EYS: variants seen among roughly 807,000 people sequenced by gnomAD.
EYS encodes the protein protein eyes shut homolog.
In EYS, 250 loss-of-function variants were observed where a neutral mutation model predicts 282.1. The ratio of observed to expected loss-of-function variants is 0.89; its 90% CI spans 0.80 to 0.98. The LOEUF (loss-of-function observed/expected upper bound fraction) is 0.98, where lower values mean the gene tolerates loss of function less well. Among genes scored for constraint, EYS ranks in the 50% least tolerant of loss-of-function variants. The pLI is 0.00. For synonymous variants in EYS, 1,355 were observed against 1,282.9 expected (o/e 1.06, Z -1.20); for missense variants, 4,016 against 3,709.0 (o/e 1.08, Z -2.15).
At chr6:64,089,551 TAC>T (rs1193099370) in intron 31 of EYS, among the ~76,000 whole-genome samples, 5 of 150,950 alleles carry the variant, frequency 3.3e-5, no homozygotes, top group Non-Finnish European at 7.4e-5. Context: ...TAAACTTTTT[TAC>T]CACATTATAC....
chr6:64,824,436 C>T (rs191514975), intron 19 of EYS, among the ~76,000 whole-genome samples: 1 of 152,034 alleles, frequency 6.6e-6, no homozygotes, highest in African/African-American at 2.4e-5. Context: ...CAAAAACAAC[C>T]TAGCCAAGGT....
At chr6:64,971,837 A>G (rs1438730107) in intron 14 of EYS, among the ~76,000 whole-genome samples, 1 of 152,166 alleles carries the variant, frequency 6.6e-6, no homozygotes, top group African/African-American at 2.4e-5. Flanking sequence ...TGGAAGAATT[A>G]TAACATTGGA....
intron 33 of EYS, among the ~76,000 whole-genome samples, chr6:64,014,567 G>A (rs1768798439): frequency 6.6e-6 from 1 of 152,086 alleles, no homozygotes; most frequent in African/African-American, 2.4e-5. Context: ...AAAATATGAA[G>A]AGAGAGTAGA....
intron 26 of EYS, among the ~76,000 whole-genome samples, chr6:64,511,510 A>T (rs1489044618): frequency 3.3e-5 from 5 of 151,908 alleles, no homozygotes; most frequent in African/African-American, 1.2e-4. Context: ...TACCTAATAA[A>T]TGAATATCCA....
intron 26 of EYS, among the ~76,000 whole-genome samples, chr6:64,460,980 G>A (rs887776896): frequency 2.6e-5 from 4 of 152,106 alleles, no homozygotes; most frequent in African/African-American, 7.2e-5. Flanking sequence ...CAAAGACTAT[G>A]CAAATAAAAA....
intron 33 of EYS, among the ~76,000 whole-genome samples, chr6:64,043,621 A>G (rs1770490017): frequency 6.6e-6 from 1 of 152,200 alleles, no homozygotes; most frequent in African/African-American, 2.4e-5. Flanking sequence ...GTCCTGTAGA[A>G]TCACCTCCTT....
At position 65,134,002 on chromosome 6, in the gene EYS, T is replaced by TA. The variant is rs1018624582; in HGVS notation, c.2024-76276dup. ...GGCATACATGCAGCCAACAGGCATATAAAAAAATCTTAATATAACTGACCA... is the reference window on the plus strand; with the variant it reads ...GGCATACATGCAGCCAACAGGCATATAAAAAAAATCTTAATATAACTGACCA... On this transcript the variant is annotated intron_variant, in intron 12 of 42. Coordinates refer to ENST00000503581, the MANE Select transcript of EYS (RefSeq NM_001142800.2). 3.9e-5 allele frequency among the ~76,000 whole-genome samples: 6 copies of TA among 152,054 alleles called. No homozygotes were observed. In the South Asian group the frequency reaches 6.2e-4, roughly 16 times the overall value.
At chr6:64,403,622 G>T (rs1409378699) in intron 28 of EYS, among the ~76,000 whole-genome samples, 2 of 152,164 alleles carry the variant, frequency 1.3e-5, no homozygotes, top group Non-Finnish European at 1.5e-5. Context: ...TTCCCAAAGT[G>T]CTGGGATTAC....
intron 2 of EYS, among the ~76,000 whole-genome samples, chr6:65,558,376 T>C (rs1300573929): frequency 6.6e-6 from 1 of 152,212 alleles, no homozygotes; most frequent in Non-Finnish European, 1.5e-5. Flanking sequence ...ACAACTTTGC[T>C]CTGCACTGGA....
At chr6:63,923,678 C>T (rs2149745377) in intron 35 of EYS, among the ~76,000 whole-genome samples, 1 of 152,248 alleles carries the variant, frequency 6.6e-6, no homozygotes, top group African/African-American at 2.4e-5. Context: ...GGTCCTTTCA[C>T]CCAGGTACTG....
chr6:65,572,801 C>T (rs975616616), intron 2 of EYS, among the ~76,000 whole-genome samples: 6 of 152,070 alleles, frequency 3.9e-5, no homozygotes, highest in African/African-American at 1.4e-4. Flanking sequence ...TGTACTCCCC[C>T]ATTAGTTTTA....
intron 5 of EYS, among the ~76,000 whole-genome samples, chr6:65,437,837 T>G (rs1768133602): frequency 6.6e-6 from 1 of 150,404 alleles, no homozygotes; most frequent in African/African-American, 2.4e-5. Flanking sequence ...AACATTCATA[T>G]TTTGGGTTTT....
chr6:64,826,931 C>A (rs756487052), intron 19 of EYS, among the ~76,000 whole-genome samples: 1 of 151,604 alleles, frequency 6.6e-6, no homozygotes, highest in African/African-American at 2.4e-5. Context: ...TAGCCTAAAA[C>A]CAAATTCTCT....
intron 11 of EYS, chr6:65,329,723 G>A: frequency 1.0e-6 from 1 of 973,542 alleles, no homozygotes; most frequent in Non-Finnish European, 1.2e-6. Flanking sequence ...AATTACAATA[G>A]TCTTAGAATA....
chr6:64,688,705 T>C (rs1163243471), intron 22 of EYS, among the ~76,000 whole-genome samples: 1 of 152,184 alleles, frequency 6.6e-6, no homozygotes. Context: ...ATTCTGTTGA[T>C]TTGGGGTGGA....
chr6:65,077,042 C>G (rs1169636208), intron 12 of EYS, among the ~76,000 whole-genome samples: 2 of 151,854 alleles, frequency 1.3e-5, no homozygotes, highest in Non-Finnish European at 2.9e-5. Flanking sequence ...GGCAAAAAGT[C>G]AACGATTAGT....
At chr6:64,148,070 A>T (rs1774578896) in intron 31 of EYS, among the ~76,000 whole-genome samples, 2 of 152,090 alleles carry the variant, frequency 1.3e-5, no homozygotes, top group Non-Finnish European at 2.9e-5. Context: ...TTGCTTATGA[A>T]TTTTTTTGTT....
At chr6:64,404,468 A>C (rs1162863493) in intron 28 of EYS, among the ~76,000 whole-genome samples, 2 of 152,042 alleles carry the variant, frequency 1.3e-5, no homozygotes, top group Non-Finnish European at 2.9e-5. Flanking sequence ...TCTTTGGAGT[A>C]AGAAAGGCTC....
At chr6:64,419,597 T>C (rs1774164419) in intron 28 of EYS, among the ~76,000 whole-genome samples, 1 of 152,166 alleles carries the variant, frequency 6.6e-6, no homozygotes, top group African/African-American at 2.4e-5. Context: ...ACTGGGTAAA[T>C]ACACTTGCTC....
Sources: gnomAD v4.1 joint callset for allele counts (sites outside exome capture counted in the v4.1 genomes callset) on GRCh38, gnomAD v4.1.1 for gene constraint, MANE v1.5 for transcripts, NCBI Gene and HGNC (gene_info 2026-07-23, HGNC 2026-07-21) for gene names.